ABLIM1: variants seen among roughly 807,000 people sequenced by gnomAD.
The protein encoded by ABLIM1 is actin-binding LIM protein 1.
In ABLIM1, 40 loss-of-function variants were observed where a neutral mutation model predicts 107.0. The observed-to-expected ratio is 0.37, with a 90% confidence interval of 0.29 to 0.49. ABLIM1 has a LOEUF of 0.49. ABLIM1 is among the 20% of genes least tolerant of loss of function. ABLIM1 has a pLI of 0.97. For synonymous variants in ABLIM1, 357 were observed against 357.3 expected, an observed-to-expected ratio of 1.00 and a Z score of 0.01; for missense variants, 857 against 1,008.5, an observed-to-expected ratio of 0.85 and a Z score of 2.04.
intron 1 of ABLIM1, chr10:114,690,295 T>C (rs1235183885): frequency 6.3e-6 from 10 of 1,581,812 alleles, no homozygotes; most frequent in Non-Finnish European, 8.7e-6. Context: ...CTCTTGGCAG[T>C]GCAGATGAAA....
chr10:114,741,658 A>G (rs1286578185), intron 1 of ABLIM1, among the ~76,000 whole-genome samples: 1 of 152,238 alleles, frequency 6.6e-6, no homozygotes, highest in Non-Finnish European at 1.5e-5. Flanking sequence ...AGGAAGAGAA[A>G]GGAGGAACAT....
chr10:114,511,941 T>C (rs969085472), intron 6 of ABLIM1, among the ~76,000 whole-genome samples: 3 of 152,176 alleles, frequency 2.0e-5, no homozygotes, highest in Admixed American at 6.5e-5. Flanking sequence ...CATCACTTTC[T>C]CATCAACAAA....
At chr10:114,775,504 C>T in the ABLIM1 span, among the ~76,000 whole-genome samples, 1 of 152,140 alleles carries the variant, frequency 6.6e-6, no homozygotes, top group African/African-American at 2.4e-5. Flanking sequence ...ACTGGATTAT[C>T]ATTCTGAATA....
intron 1 of ABLIM1, among the ~76,000 whole-genome samples, chr10:114,624,430 T>C (rs1013216617): frequency 3.3e-5 from 5 of 152,214 alleles, no homozygotes; most frequent in South Asian, 2.1e-4. Context: ...AAAGTCAATT[T>C]GTCGTTCTTT....
chr10:114,720,261 TC>T (rs2081808994), intron 1 of ABLIM1, among the ~76,000 whole-genome samples: 2 of 152,342 alleles, frequency 1.3e-5, no homozygotes, highest in Admixed American at 6.5e-5. Context: ...ATTTTCTTTA[TC>T]CAGTCTATCA....
chr10:114,681,988 CTAAAAG>C (rs1236771669), intron 1 of ABLIM1, among the ~76,000 whole-genome samples: 2 of 152,180 alleles, frequency 1.3e-5, no homozygotes, highest in Non-Finnish European at 2.9e-5. Flanking sequence ...CATATGAAAC[CTAAAAG>C]TAGTGCTAAT....
intron 1 of ABLIM1, among the ~76,000 whole-genome samples, chr10:114,738,596 CA>C: frequency 6.6e-6 from 1 of 152,208 alleles, no homozygotes; most frequent in Middle Eastern, 3.4e-3. Flanking sequence ...CAGAGACTAC[CA>C]AAACAGAGCT....
At chr10:114,519,760 G>A (rs1039476641) in intron 6 of ABLIM1, among the ~76,000 whole-genome samples, 10 of 152,178 alleles carry the variant, frequency 6.6e-5, no homozygotes, top group African/African-American at 2.2e-4. Context: ...TACATGCCAT[G>A]GTTGAGCACT....
intron 1 of ABLIM1, among the ~76,000 whole-genome samples, chr10:114,639,832 A>C (rs971890138): frequency 1.3e-5 from 2 of 152,200 alleles, no homozygotes; most frequent in African/African-American, 4.8e-5. Flanking sequence ...TGTGTTTGCT[A>C]TTCCTGCTGC....
At chr10:114,604,785 A>C (rs1439435893) in intron 1 of ABLIM1, among the ~76,000 whole-genome samples, 1 of 152,250 alleles carries the variant, frequency 6.6e-6, no homozygotes. Flanking sequence ...TGGATAAGAA[A>C]ATGCACTGCA....
At chr10:114,620,513 G>A (rs1036792579) in intron 1 of ABLIM1, among the ~76,000 whole-genome samples, 5 of 152,072 alleles carry the variant, frequency 3.3e-5, no homozygotes, top group African/African-American at 9.7e-5. Context: ...GGGTTCAAGC[G>A]ATTCTTCTGC....
At chr10:114,696,707 A>G (rs2081201997) in intron 1 of ABLIM1, among the ~76,000 whole-genome samples, 1 of 152,132 alleles carries the variant, frequency 6.6e-6, no homozygotes, top group Non-Finnish European at 1.5e-5. Flanking sequence ...ACCTTCTGCC[A>G]TGATTGTGAG....
chr10:114,798,559 C>CT, the ABLIM1 span, among the ~76,000 whole-genome samples: 9 of 141,878 alleles, frequency 6.3e-5, no homozygotes, highest in Non-Finnish European at 1.4e-4. Context: ...TGATGAGACC[C>CT]CCCCCCCATG....
rs1487002493 is a variant in ABLIM1 at position 114,436,198 on chromosome 10, T to C, written c.*62A>G. ...CTCCAATCAAGTTTGGGCCTCAATATGACATCCTATGGGGCACCGCCACTG... is the reference window on the plus strand; with the variant it reads ...CTCCAATCAAGTTTGGGCCTCAATACGACATCCTATGGGGCACCGCCACTG... On this transcript the variant is annotated 3_prime_UTR_variant, in exon 23 of 23. Coordinates refer to ENST00000533213, the MANE Select transcript of ABLIM1 (RefSeq NM_002313.7). The C allele has an allele frequency of 7.3e-7, 1 of 1,367,096 alleles. No individual in the cohort carries two copies. Among genetic ancestry groups the C allele is most frequent in the Non-Finnish European group, 1.0e-6 (1 of 973,966 alleles). 84.7% of individuals were successfully genotyped at this position (1,367,096 alleles called of 1,614,324 possible).
At chr10:114,725,763 G>A (rs916232484) in intron 1 of ABLIM1, among the ~76,000 whole-genome samples, 3 of 151,386 alleles carry the variant, frequency 2.0e-5, no homozygotes, top group Non-Finnish European at 4.4e-5. Flanking sequence ...GTGTGTGTGT[G>A]TGTGTGTGTA....
At chr10:114,735,815 T>C (rs2082168327) in intron 1 of ABLIM1, among the ~76,000 whole-genome samples, 1 of 152,228 alleles carries the variant, frequency 6.6e-6, no homozygotes, top group African/African-American at 2.4e-5. Context: ...ACTGTTGTTG[T>C]GGTCAAGTCA....
At chr10:114,732,285 G>A (rs1248757683) in intron 1 of ABLIM1, among the ~76,000 whole-genome samples, 1 of 147,320 alleles carries the variant, frequency 6.8e-6, no homozygotes, top group Non-Finnish European at 1.5e-5. Flanking sequence ...CCAGATTCAA[G>A]CGATTCTCCT....
chr10:114,631,902 C>G, intron 1 of ABLIM1: 2 of 1,304,288 alleles, frequency 1.5e-6, no homozygotes, highest in Non-Finnish European at 2.0e-6. Context: ...TTATAATTAC[C>G]TTTTTCCTTC....
chr10:114,560,504 A>G (rs2483555), intron 4 of ABLIM1, among the ~76,000 whole-genome samples: 56,675 of 152,108 alleles, frequency 0.37, 13,897 homozygotes, highest in African/African-American at 0.7. Flanking sequence ...AGACACACAA[A>G]CACTTATCGT....
Sources: gnomAD v4.1 joint callset for allele counts (sites outside exome capture counted in the v4.1 genomes callset) on GRCh38, gnomAD v4.1.1 for gene constraint, MANE v1.5 for transcripts, NCBI Gene and HGNC (gene_info 2026-07-23, HGNC 2026-07-21) for gene names.